Variants in NUTM2A observed in about 807,000 individuals in gnomAD.
The protein encoded by NUTM2A is NUT family member 2A, also known as family with sequence similarity 22, member A.
NUTM2A carries 3 observed loss-of-function variants against 24.4 expected under a neutral mutation model. That is an observed-to-expected ratio of 0.12 (90% confidence interval 0.06 to 0.32). NUTM2A has a LOEUF of 0.32. Ranked by LOEUF, NUTM2A falls within the 10% of genes least tolerant of loss-of-function variation. The pLI is 1.00. For synonymous variants in NUTM2A, 11 were observed against 278.4 expected (o/e 0.04, Z 9.56); for missense variants, 39 against 631.1 (o/e 0.06, Z 10.05).
chr10:87,229,312 T>TTGG (rs1332263465), intron 2 of NUTM2A, among the ~76,000 whole-genome samples: 2 of 152,222 alleles, frequency 1.3e-5, no homozygotes, highest in African/African-American at 4.8e-5. Context: ...GTGCCTCCCC[T>TTGG]TTAACCCAGT....
chr10:87,232,469 CG>C, intron 4 of NUTM2A, 133 bp from the exon 5 acceptor site: 1 of 670,778 alleles, frequency 1.5e-6, no homozygotes, highest in African/African-American at 1.8e-5. Context: ...CTGCCTCCTC[CG>C]GGGGCGCTGC....
intron 2 of NUTM2A, among the ~76,000 whole-genome samples, chr10:87,229,458 T>G (rs1849358331): frequency 1.3e-5 from 2 of 152,232 alleles, no homozygotes; most frequent in Admixed American, 6.5e-5. Context: ...GGGATGGTCT[T>G]GGGCCCTGCA....
intron 5 of NUTM2A, 139 bp downstream of exon 5, chr10:87,233,124 T>C: frequency 1.0e-6 from 1 of 997,332 alleles, no homozygotes; most frequent in Non-Finnish European, 1.4e-6. Context: ...TGTGATTGTG[T>C]GTGTGTCTGT....
Position 87,228,889 on chromosome 10 carries a change from C to T in NUTM2A, c.1009C>T (p.Gln337Ter), listed in dbSNP as rs1277507857. The change falls in exon 2 of 7, where the codon CAG becomes TAG. Residue 337 changes from glutamine (Q) to a stop codon, truncating the protein, a stop_gained. Transcript: ENST00000381707. LOFTEE classifies it high-confidence loss of function. ...RSVYENFRLW[Q>*]HYKPLARRHL... ...TGTCTATGAGAACTTCCGACTCTGG[C>T]AGCACTACAAGCCCCTGGCCCGGAG... The T allele has an allele frequency of 5.9e-6, 7 of 1,179,084 alleles. No individual in the cohort carries two copies. In the South Asian group the frequency reaches 6.5e-5, roughly 11 times the overall value. 73.0% of individuals were successfully genotyped at this position (1,179,084 alleles called of 1,614,324 possible).
rs773880168 is a variant in NUTM2A at position 87,228,789 on chromosome 10, A to G, written c.909A>G (p.Gln303=). The change falls in exon 2 of 7, where the codon CAA becomes CAG. Residue 303 remains glutamine, a synonymous_variant. Coordinates refer to ENST00000381707, the MANE Select transcript of NUTM2A (RefSeq NM_001099338.2). The stretch of plus-strand genomic sequence containing the variant: ...AAGGGAATGCTGGGCCATGGCCACA[A>G]GGGGCTCACGGAGAGGGCAGCCTGG... ...VSQGNAGPWP[Q]GAHGEGSLAS... 12 of 1,299,262 alleles carry G rather than the reference A, an allele frequency of 9.2e-6. No homozygotes were observed. The highest frequency in any genetic ancestry group is 4.5e-5 in the East Asian group (2 of 43,964). The allele number at this position is 1,299,262 out of a possible 1,614,324, so 80.5% of individuals were successfully genotyped here. A position where few individuals can be genotyped will look rare whatever the true frequency, so the allele number is the denominator to read the frequency against.
chr10:87,229,088 T>C (rs1382912217), intron 2 of NUTM2A, 126 bp downstream of exon 2: 2 of 1,525,756 alleles, frequency 1.3e-6, no homozygotes, highest in Non-Finnish European at 9.0e-7. Context: ...GGCTGCACTA[T>C]GGGAAGGTAT....
intron 2 of NUTM2A, among the ~76,000 whole-genome samples, chr10:87,229,253 G>A (rs1180837603): frequency 2.0e-5 from 3 of 152,180 alleles, no homozygotes; most frequent in African/African-American, 7.2e-5. Context: ...AGGGTTCCTG[G>A]TGTGACGTGA....
intron 2 of NUTM2A, among the ~76,000 whole-genome samples, chr10:87,229,596 G>C (rs1369461368): frequency 2.0e-5 from 3 of 152,344 alleles, no homozygotes; most frequent in African/African-American, 7.2e-5. Context: ...GCATAGCACA[G>C]TGCCTGGCAC....
intron 2 of NUTM2A, among the ~76,000 whole-genome samples, chr10:87,229,218 T>C (rs1849354058): frequency 6.6e-6 from 1 of 152,176 alleles, no homozygotes. Context: ...TTCACAACAA[T>C]GTTTACAGAA....
rs1177036764 is a variant in NUTM2A, at chr10:87,228,778, C to T, written c.898C>T (p.Pro300Ser). The change falls in exon 2 of 7, where the codon CCA becomes TCA. Residue 300 changes from proline to serine, a missense_variant. Physicochemically the swap from Pro to Ser is moderately conservative, Grantham distance 74. Coordinates refer to ENST00000381707, the MANE Select transcript of NUTM2A (RefSeq NM_001099338.2). ...CATTGTGTCCCAAGGGAATGCTGGGCCATGGCCACAAGGGGCTCACGGAGA... is the reference window on the plus strand; with the variant it reads ...CATTGTGTCCCAAGGGAATGCTGGGTCATGGCCACAAGGGGCTCACGGAGA... ...PPIVSQGNAG[P>S]WPQGAHGEGS... The T allele has an allele frequency of 2.4e-6, 3 of 1,263,530 alleles. No homozygotes were observed. Among genetic ancestry groups the T allele is most frequent in the African/African-American group, 3.2e-5 (2 of 63,266 alleles). 78.3% of individuals were successfully genotyped at this position (1,263,530 alleles called of 1,614,324 possible).
Position 87,234,508 on chromosome 10 carries a change from TCTC to T in NUTM2A, c.2440_2442del (p.Pro814del), listed in dbSNP as rs201084924. 0.014 allele frequency: 22,896 copies of T among 1,600,540 alleles called. 1,907 individuals carry two copies. In the East Asian group the frequency reaches 0.25, roughly 17 times the overall value. ...GAGAAGAGGCCTCAACCTAGCACCT[TCTC>T]CTGCCAACAAGGCCAAGAAGCGACC... On this transcript the variant is annotated inframe_deletion, in exon 7 of 7. Coordinates refer to ENST00000381707, the MANE Select transcript of NUTM2A (RefSeq NM_001099338.2).
chr10:87,234,958 A>C lies in NUTM2A; in HGVS notation c.*250A>C. 1 of 1,477,810 alleles carries C rather than the reference A, an allele frequency of 6.8e-7. No individual in the cohort carries two copies. Among genetic ancestry groups the C allele is most frequent in the South Asian group, 1.4e-5 (1 of 73,652 alleles). The allele number at this position is 1,477,810 out of a possible 1,614,324, so 91.5% of individuals were successfully genotyped here. A position where few individuals can be genotyped will look rare whatever the true frequency, so the allele number is the denominator to read the frequency against. On this transcript the variant is annotated 3_prime_UTR_variant, in exon 7 of 7. Coordinates refer to ENST00000381707, the MANE Select transcript of NUTM2A (RefSeq NM_001099338.2). ...GGGGGCCTCGTGTGTAAGTGTGAAT[A>C]AATGTAGTTGTCTTGGAAAATGCTC... is the stretch of plus-strand genomic sequence containing the variant.
intron 2 of NUTM2A, among the ~76,000 whole-genome samples, chr10:87,229,491 A>G (rs1849358991): frequency 1.3e-5 from 2 of 152,340 alleles, no homozygotes; most frequent in East Asian, 1.9e-4. Context: ...CCGAGCAGGT[A>G]TTTGCATCTT....
At position 87,232,962 on chromosome 10, in the gene NUTM2A, TCC is replaced by T; in HGVS notation, c.1713_1714del (p.Gln572GlufsTer65). ...GLLSYTDKLC[S>X]QKDFVTKVEA... ...CCTGAGCTACACTGACAAGCTGTGT[TCC>T]CAGAAAGACTTCGTCACCAAGGTGG... On this transcript the variant is annotated frameshift_variant, in exon 5 of 7. Transcript: ENST00000381707. LOFTEE classifies it high-confidence loss of function. 1.4e-6 allele frequency: 2 copies of T among 1,466,732 alleles called. No individual in the cohort carries two copies. Among genetic ancestry groups the T allele is most frequent in the Non-Finnish European group, 1.9e-6 (2 of 1,050,992 alleles). The allele number at this position is 1,466,732 out of a possible 1,614,324, so 90.9% of individuals were successfully genotyped here.
Position 87,228,402 on chromosome 10 carries a change from C to T in NUTM2A, c.522C>T (p.Gly174=), listed in dbSNP as rs762580533. The part of the protein sequence containing the change: ...LLVTAGAPPG[G]PLVLSTLPST... ...TGACTGCAGGGGCTCCTCCAGGCGG[C>T]CCTCTGGTGCTGTCTACCCTCCCCA... The change falls in exon 2 of 7, where the codon GGC becomes GGT. Residue 174 remains glycine (G), a synonymous_variant. Transcript: ENST00000381707. The T allele has an allele frequency of 2.5e-6, 4 of 1,611,696 alleles. No homozygotes were observed. In the African/African-American group the frequency reaches 5.3e-5, roughly 22 times the overall value.
chr10:87,229,246 G>A (rs1490538537), intron 2 of NUTM2A, among the ~76,000 whole-genome samples: 1 of 152,172 alleles, frequency 6.6e-6, no homozygotes, highest in Non-Finnish European at 1.5e-5. Flanking sequence ...GTCAGAGAGG[G>A]TTCCTGGTGT....
chr10:87,233,797 CTCTT>C (rs1431171677), intron 6 of NUTM2A, 122 bp from the exon 7 acceptor site: 4 of 133,304 alleles, frequency 3.0e-5, no homozygotes, highest in Non-Finnish European at 5.1e-5. Flanking sequence ...CACACCCTCT[CTCTT>C]TGACATAAAG....
intron 2 of NUTM2A, among the ~76,000 whole-genome samples, chr10:87,229,300 C>T (rs1285659989): frequency 6.6e-6 from 1 of 152,226 alleles, no homozygotes; most frequent in Non-Finnish European, 1.5e-5. Flanking sequence ...GTACACGCCC[C>T]AGTGCCTCCC....
intron 2 of NUTM2A, among the ~76,000 whole-genome samples, chr10:87,229,219 G>A (rs541194679): frequency 2.5e-4 from 38 of 152,290 alleles, no homozygotes; most frequent in African/African-American, 8.4e-4. Context: ...TCACAACAAT[G>A]TTTACAGAAG....
Sources: gnomAD v4.1 joint callset for allele counts (sites outside exome capture counted in the v4.1 genomes callset) on GRCh38, gnomAD v4.1.1 for gene constraint, MANE v1.5 for transcripts, NCBI Gene and HGNC (gene_info 2026-07-23, HGNC 2026-07-21) for gene names.